Variants in MEI1 observed in about 807,000 individuals in gnomAD.
MEI1 encodes meiotic double-stranded break formation protein 1, also known as meiosis inhibitor protein 1.
In MEI1, 103 loss-of-function variants were observed where a neutral mutation model predicts 146.2. That is an observed-to-expected ratio of 0.70 (90% CI 0.60 to 0.83). The LOEUF is 0.83. MEI1 is among the 40% of genes least tolerant of loss of function. MEI1 has a pLI of 0.00. For synonymous variants in MEI1, 652 were observed against 628.2 expected (o/e 1.04, Z -0.57); for missense variants, 1,529 against 1,533.0 (o/e 1.00, Z 0.04).
intron 15 of MEI1, among the ~76,000 whole-genome samples, chr22:41,751,618 C>A (rs536373080): frequency 4.6e-5 from 7 of 151,780 alleles, no homozygotes; most frequent in Non-Finnish European, 1.0e-4. Context: ...ACTAAAAATA[C>A]AAAATTAGCT....
At chr22:41,702,602 C>T (rs555484146) in intron 1 of MEI1, among the ~76,000 whole-genome samples, 37 of 152,142 alleles carry the variant, frequency 2.4e-4, no homozygotes, top group African/African-American at 7.5e-4. Context: ...TGCGCCACCA[C>T]GCCTAGCTAA....
At chr22:41,700,706 G>A (rs569550627) in intron 1 of MEI1, among the ~76,000 whole-genome samples, 1 of 151,424 alleles carries the variant, frequency 6.6e-6, no homozygotes, top group East Asian at 1.9e-4. Context: ...TTCATGGGAG[G>A]GGAATTCGTG....
intron 26 of MEI1, among the ~76,000 whole-genome samples, chr22:41,787,384 T>C (rs1386047140): frequency 6.6e-6 from 1 of 152,146 alleles, no homozygotes; most frequent in Non-Finnish European, 1.5e-5. Context: ...AATAACATTT[T>C]ATTATACTTG....
At position 41,751,433 on chromosome 22, in the gene MEI1, G is replaced by A. The variant is rs1054810987; in HGVS notation, c.1793-1158G>A. Reference sequence around the variant, plus strand: ...AGTATTGACTGAAAGCCTTACTGGGGAGACTGGGAGGAGCCAGCAGCACAA... The same window carrying A: ...AGTATTGACTGAAAGCCTTACTGGGAAGACTGGGAGGAGCCAGCAGCACAA... On this transcript the variant is annotated intron_variant, in intron 15 of 30. Coordinates refer to ENST00000401548, the MANE Select transcript of MEI1 (RefSeq NM_152513.4). Among the ~76,000 whole-genome samples the A allele has an allele frequency of 2.5e-4, 37 of 150,854 alleles. 1 individual carries two copies. The highest frequency in any genetic ancestry group is 2.4e-3 in the Admixed American group (36 of 15,256).
chr22:41,748,501 C>T (rs966844763), intron 15 of MEI1, among the ~76,000 whole-genome samples: 1 of 79,026 alleles, frequency 1.3e-5, no homozygotes, highest in African/African-American at 3.7e-5. Context: ...TTGGACAATA[C>T]AGTGAGACCC....
intron 26 of MEI1, among the ~76,000 whole-genome samples, chr22:41,785,886 T>A (rs1464496612): frequency 2.9e-5 from 4 of 138,628 alleles, no homozygotes; most frequent in African/African-American, 1.0e-4. Context: ...TTTATTTTTT[T>A]ATTTTTTTAT....
At chr22:41,723,620 G>T (rs1203034941) in intron 6 of MEI1, among the ~76,000 whole-genome samples, 2 of 152,150 alleles carry the variant, frequency 1.3e-5, no homozygotes, top group Non-Finnish European at 2.9e-5. Flanking sequence ...AACTGTGCCA[G>T]GTGATGGATG....
In MEI1 at chr22:41,758,411, A is replaced by T. The variant is rs1405082866; in HGVS notation, c.1998A>T (p.Ile666=). ...SELLQHGLPQ[I]SSRSPESLAF... is the part of the protein sequence containing the mutation. The stretch of plus-strand genomic sequence containing the variant: ...TCCTGCAGCATGGGCTGCCCCAGAT[A>T]AGCAGCAGGAGCCCTGAAAGCCTTG... Residue 666 remains isoleucine (I), a synonymous_variant, in exon 18 of 31, where the codon ATA becomes ATT. Coordinates refer to ENST00000401548, the MANE Select transcript of MEI1 (RefSeq NM_152513.4). 1 of 1,613,884 alleles carries T rather than the reference A, an allele frequency of 6.2e-7. No individual in the cohort carries two copies. The highest frequency in any genetic ancestry group is 1.7e-5 in the Admixed American group (1 of 60,024).
At chr22:41,790,560 T>A (rs563740338) in intron 26 of MEI1, among the ~76,000 whole-genome samples, 2 of 152,040 alleles carry the variant, frequency 1.3e-5, no homozygotes, top group Non-Finnish European at 2.9e-5. Context: ...TATATGATAG[T>A]GGTTTACATT....
chr22:41,719,603 C>T (rs1380285491), intron 6 of MEI1, among the ~76,000 whole-genome samples: 2 of 152,198 alleles, frequency 1.3e-5, no homozygotes, highest in Non-Finnish European at 2.9e-5. Context: ...GACCCAAACA[C>T]CACCCGTAGG....
intron 4 of MEI1, among the ~76,000 whole-genome samples, chr22:41,714,731 A>G (rs1013969591): frequency 7.4e-6 from 1 of 135,430 alleles, no homozygotes; most frequent in Admixed American, 7.2e-5. Context: ...AAAAAAAAAA[A>G]TTAGCTGGGC....
intron 1 of MEI1, among the ~76,000 whole-genome samples, chr22:41,702,965 G>A (rs537623459): frequency 2.6e-5 from 4 of 152,010 alleles, no homozygotes; most frequent in Admixed American, 6.6e-5. Context: ...TGATACGCCC[G>A]CCTTGGCCTC....
At chr22:41,794,176 C>T (rs868815062) in intron 27 of MEI1, among the ~76,000 whole-genome samples, 195 bp from the exon 28 acceptor site, 4 of 152,152 alleles carry the variant, frequency 2.6e-5, no homozygotes, top group Admixed American at 6.5e-5. Context: ...ACAATCATGG[C>T]GTATATAGTT....
intron 11 of MEI1, among the ~76,000 whole-genome samples, chr22:41,733,809 A>T (rs1212383627): frequency 6.6e-6 from 1 of 152,140 alleles, no homozygotes; most frequent in Non-Finnish European, 1.5e-5. Flanking sequence ...ATTAGGTATT[A>T]TATGTAATCT....
intron 18 of MEI1, among the ~76,000 whole-genome samples, chr22:41,759,733 A>T (rs930562047): frequency 6.6e-6 from 1 of 150,560 alleles, no homozygotes; most frequent in African/African-American, 2.4e-5. Flanking sequence ...GGAGGCTGAG[A>T]CAGGAGAATT....
At chr22:41,737,733 C>T (rs1204292318) in intron 11 of MEI1, among the ~76,000 whole-genome samples, 1 of 151,970 alleles carries the variant, frequency 6.6e-6, no homozygotes, top group Non-Finnish European at 1.5e-5. Flanking sequence ...ACCCCGCCTC[C>T]CCCCACTAAA....
chr22:41,751,315 C>T (rs1361186758), intron 15 of MEI1, among the ~76,000 whole-genome samples: 1 of 152,144 alleles, frequency 6.6e-6, no homozygotes, highest in Non-Finnish European at 1.5e-5. Context: ...CAGATTATTC[C>T]CAACCCAGGG....
chr22:41,768,771 C>G (rs543251585), intron 19 of MEI1, among the ~76,000 whole-genome samples: 10 of 152,254 alleles, frequency 6.6e-5, no homozygotes, highest in African/African-American at 2.2e-4. Flanking sequence ...ACGGGGAGGT[C>G]CACCCCCATG....
At chr22:41,775,579 T>G (rs898292105) in intron 20 of MEI1, among the ~76,000 whole-genome samples, 1 of 151,744 alleles carries the variant, frequency 6.6e-6, no homozygotes, top group African/African-American at 2.4e-5. Flanking sequence ...ATGGATTTAA[T>G]AGGATGGACC....
Sources: gnomAD v4.1 joint callset for allele counts (sites outside exome capture counted in the v4.1 genomes callset) on GRCh38, gnomAD v4.1.1 for gene constraint, MANE v1.5 for transcripts, NCBI Gene and HGNC (gene_info 2026-07-23, HGNC 2026-07-21) for gene names.